Variants in HYCC1 observed in about 807,000 individuals in gnomAD.
HYCC1 encodes hyccin PI4KA lipid kinase complex subunit 1.
At chr7:22,982,003 T>G in the HYCC1 span, among the ~76,000 whole-genome samples, 2 of 152,322 alleles carry the variant, frequency 1.3e-5, no homozygotes, top group African/African-American at 2.4e-5. Flanking sequence ...AATCATAAAT[T>G]TATCCTACAA....
the HYCC1 span, among the ~76,000 whole-genome samples, chr7:22,923,334 G>A: frequency 6.6e-6 from 1 of 152,138 alleles, no homozygotes; most frequent in South Asian, 2.1e-4. Context: ...GAAAGCACAA[G>A]TAAATTCAGA....
At chr7:22,904,421 ACT>A in the HYCC1 span, among the ~76,000 whole-genome samples, 6 of 120,560 alleles carry the variant, frequency 5.0e-5, no homozygotes, top group African/African-American at 1.2e-4. Context: ...ACAGAGCGAG[ACT>A]CTGTCTCAAA....
At chr7:22,929,130 C>T in the HYCC1 span, among the ~76,000 whole-genome samples, 6 of 152,160 alleles carry the variant, frequency 3.9e-5, no homozygotes, top group South Asian at 4.1e-4. Context: ...GGAAAACTGG[C>T]TAGCCATATG....
chr7:22,966,503 C>T, the HYCC1 span, among the ~76,000 whole-genome samples: 6 of 152,218 alleles, frequency 3.9e-5, no homozygotes, highest in South Asian at 1.2e-3. Flanking sequence ...CGTTGGTCAG[C>T]ATGCACTGTT....
chr7:22,903,523 CAG>C, the HYCC1 span, among the ~76,000 whole-genome samples: 1 of 152,110 alleles, frequency 6.6e-6, no homozygotes, highest in Non-Finnish European at 1.5e-5. Flanking sequence ...CAAGAAGAAA[CAG>C]AAAATCTGAA....
chr7:22,930,559 C>T, the HYCC1 span, among the ~76,000 whole-genome samples: 1 of 151,848 alleles, frequency 6.6e-6, no homozygotes, highest in Non-Finnish European at 1.5e-5. Context: ...AAGAATAATT[C>T]ATAACAATAC....
chr7:22,967,474 A>G, the HYCC1 span, among the ~76,000 whole-genome samples: 1 of 152,372 alleles, frequency 6.6e-6, no homozygotes, highest in Non-Finnish European at 1.5e-5. Flanking sequence ...AGCTCATCAC[A>G]TCATGGAGCC....
the HYCC1 span, among the ~76,000 whole-genome samples, chr7:22,918,247 T>C: frequency 1 from 151,996 of 152,288 alleles, 75,854 homozygotes; most frequent in Middle Eastern, 1. Context: ...TTCTCCTTCT[T>C]TTATTTGGAC....
At chr7:22,995,638 T>C in the HYCC1 span, among the ~76,000 whole-genome samples, 1 of 138,244 alleles carries the variant, frequency 7.2e-6, no homozygotes, top group Admixed American at 7.1e-5. Context: ...TAAACATACA[T>C]GAGGCCATAC....
chr7:22,955,687 A>G, the HYCC1 span, among the ~76,000 whole-genome samples: 17 of 151,722 alleles, frequency 1.1e-4, no homozygotes, highest in African/African-American at 4.1e-4. Context: ...CAGAGAGAAA[A>G]TAGCAATTAG....
chr7:22,918,277 T>C, the HYCC1 span, among the ~76,000 whole-genome samples: 1 of 152,164 alleles, frequency 6.6e-6, no homozygotes, highest in Non-Finnish European at 1.5e-5. Context: ...TCCATTTAGC[T>C]TCTCAATTCA....
At chr7:22,923,454 G>C in the HYCC1 span, among the ~76,000 whole-genome samples, 1 of 151,968 alleles carries the variant, frequency 6.6e-6, no homozygotes, top group African/African-American at 2.4e-5. Flanking sequence ...TAAAAAAGAA[G>C]AAATATCTCA....
At chr7:22,912,585 G>GTC in the HYCC1 span, among the ~76,000 whole-genome samples, 3 of 152,202 alleles carry the variant, frequency 2.0e-5, no homozygotes, top group Non-Finnish European at 4.4e-5. Context: ...TTAGCAAGGA[G>GTC]AGGGAAGCCA....
At chr7:22,992,991 CA>C in the HYCC1 span, among the ~76,000 whole-genome samples, 1 of 151,986 alleles carries the variant, frequency 6.6e-6, no homozygotes, top group Non-Finnish European at 1.5e-5. Flanking sequence ...TAAAACTTAC[CA>C]AAAACTATAG....
chr7:22,932,168 C>G, the HYCC1 span, among the ~76,000 whole-genome samples: 1 of 152,170 alleles, frequency 6.6e-6, no homozygotes, highest in South Asian at 2.1e-4. Context: ...AGAAACAAAT[C>G]TATGCAAGAC....
the HYCC1 span, chr7:22,960,379 G>C: frequency 6.2e-7 from 1 of 1,613,186 alleles, no homozygotes; most frequent in Non-Finnish European, 8.5e-7. Context: ...GATTTCATGG[G>C]ACCATGAGGC....
the HYCC1 span, among the ~76,000 whole-genome samples, chr7:22,987,766 G>A: frequency 4.6e-5 from 7 of 151,934 alleles, no homozygotes; most frequent in East Asian, 1.9e-4. Flanking sequence ...TATGAGACCC[G>A]GAGAGGTTAT....
At chr7:22,955,102 C>CA in the HYCC1 span, among the ~76,000 whole-genome samples, 3 of 151,478 alleles carry the variant, frequency 2.0e-5, no homozygotes, top group African/African-American at 4.8e-5. Context: ...ACAGAACATA[C>CA]AAAAAATCTT....
At chr7:22,926,464 C>T in the HYCC1 span, among the ~76,000 whole-genome samples, 20 of 152,018 alleles carry the variant, frequency 1.3e-4, no homozygotes, top group Admixed American at 4.6e-4. Context: ...CACATATAGG[C>T]TCAAAATAAA....
Sources: gnomAD v4.1 joint callset for allele counts (sites outside exome capture counted in the v4.1 genomes callset) on GRCh38, gnomAD v4.1.1 for gene constraint, MANE v1.5 for transcripts, NCBI Gene and HGNC (gene_info 2026-07-23, HGNC 2026-07-21) for gene names.